ATG5: variants seen among roughly 807,000 people sequenced by gnomAD.
ATG5 encodes autophagy protein 5.
Under a neutral mutation model 36.5 loss-of-function variants are expected in ATG5, and 14 were observed. The observed-to-expected ratio is 0.38, with a 90% confidence interval of 0.25 to 0.60. ATG5 has a LOEUF of 0.60. ATG5 is among the 20% of genes least tolerant of loss of function. The pLI, the probability that ATG5 is intolerant of heterozygous loss-of-function variation, is 0.60. For synonymous variants in ATG5, 95 were observed against 101.5 expected, an observed-to-expected ratio of 0.94 and a Z score of 0.38; for missense variants, 195 against 326.7, an observed-to-expected ratio of 0.60 and a Z score of 3.11.
At chr6:106,321,509 C>T (rs554453674) in intron 1 of ATG5, among the ~76,000 whole-genome samples, 1 of 152,248 alleles carries the variant, frequency 6.6e-6, no homozygotes, top group South Asian at 2.1e-4. Flanking sequence ...CAGGCGCCCG[C>T]CACCGCGCCA....
intron 5 of ATG5, among the ~76,000 whole-genome samples, chr6:106,277,207 T>C (rs1354407777): frequency 2.0e-5 from 3 of 152,232 alleles, no homozygotes; most frequent in African/African-American, 7.2e-5. Context: ...GATGTGGTAA[T>C]AGCATAGTCC....
chr6:106,220,840 T>C (rs1168840617), intron 6 of ATG5, among the ~76,000 whole-genome samples: 1 of 152,174 alleles, frequency 6.6e-6, no homozygotes, highest in Non-Finnish European at 1.5e-5. Flanking sequence ...CACCATGAAA[T>C]TGTCAGCAGA....
rs138924559 is a variant in ATG5 at position 106,241,872 on chromosome 6, G to A, written c.573+6278C>T. The stretch of plus-strand genomic sequence containing the variant: ...TAGGCTGCAGACTCAAGGAAGAGCT[G>A]CCAAAACCAGGAAAGCCAATTCATT... On this transcript the variant is annotated intron_variant, in intron 6 of 7. Coordinates refer to ENST00000369076, the MANE Select transcript of ATG5 (RefSeq NM_004849.4). Among the ~76,000 whole-genome samples the A allele has an allele frequency of 1.6e-3, 250 of 152,130 alleles. 1 individual carries two copies. The highest frequency in any genetic ancestry group is 5.3e-3 in the African/African-American group (218 of 41,502).
intron 6 of ATG5, among the ~76,000 whole-genome samples, chr6:106,219,948 C>A (rs1436595270): frequency 5.3e-5 from 8 of 152,102 alleles, no homozygotes; most frequent in African/African-American, 1.9e-4. Context: ...CGACCTCTAC[C>A]AACCTGCTTA....
intron 7 of ATG5, among the ~76,000 whole-genome samples, chr6:106,187,069 CAT>C (rs1775801497): frequency 6.6e-6 from 1 of 152,130 alleles, no homozygotes; most frequent in Non-Finnish European, 1.5e-5. Context: ...GAAGTCGGTC[CAT>C]ACATATTTTG....
At chr6:106,233,052 A>C (rs1777752244) in intron 6 of ATG5, among the ~76,000 whole-genome samples, 1 of 152,114 alleles carries the variant, frequency 6.6e-6, no homozygotes, top group African/African-American at 2.4e-5. Context: ...TATGTGGATG[A>C]TTTTTACTTT....
chr6:106,199,840 T>C (rs1776349096), intron 7 of ATG5, among the ~76,000 whole-genome samples: 1 of 152,180 alleles, frequency 6.6e-6, no homozygotes. Flanking sequence ...CTGGATTGTT[T>C]GGCAAACATT....
At chr6:106,292,272 G>A (rs652421) in intron 4 of ATG5, among the ~76,000 whole-genome samples, 1,630 of 152,268 alleles carry the variant, frequency 0.011, 21 homozygotes, top group African/African-American at 0.036. Flanking sequence ...ATGAATTACT[G>A]TTCGTAATCA....
intron 6 of ATG5, among the ~76,000 whole-genome samples, chr6:106,221,715 A>G (rs937900933): frequency 6.6e-5 from 10 of 151,472 alleles, no homozygotes; most frequent in Non-Finnish European, 1.2e-4. Flanking sequence ...AAGAAAGAAA[A>G]AAAAATCAAA....
Position 106,216,581 on chromosome 6 carries a change from G to A in ATG5, c.574-14492C>T, listed in dbSNP as rs186251394. ...TAGTTGCCAAGGGCTGGAGGGAGGG[G>A]GAATGATATAAGTGACTGCCAATGG... On this transcript the variant is annotated intron_variant, in intron 6 of 7. Transcript: ENST00000369076. 3.7e-3 allele frequency among the ~76,000 whole-genome samples: 569 copies of A among 152,234 alleles called. 10 individuals are homozygous for A. Among genetic ancestry groups the A allele is most frequent in the Admixed American group, 0.023 (358 of 15,298 alleles).
At chr6:106,323,785 TC>T (rs1419396956) in intron 1 of ATG5, among the ~76,000 whole-genome samples, 1 of 152,204 alleles carries the variant, frequency 6.6e-6, no homozygotes, top group Non-Finnish European at 1.5e-5. Context: ...ACAAGTTAGA[TC>T]AACTCACTGC....
Position 106,186,641 on chromosome 6 carries a change from T to A in ATG5, c.727A>T (p.Ile243Phe). Residue 243 changes from isoleucine to phenylalanine, a missense_variant, in exon 8 of 8, where the codon ATT (isoleucine) becomes TTT (phenylalanine). Coordinates refer to ENST00000369076, the MANE Select transcript of ATG5 (RefSeq NM_004849.4). ...AGAGGTGTTTCCAACATTGGCTCAA[T>A]TCCATGAATCATCACTTGATTCTTT... The part of the protein sequence containing the change: ...EKKNQVMIHG[I>F]EPMLETPLQW... 6.2e-7 allele frequency: 1 copy of A among 1,613,832 alleles called. No homozygotes were observed. Among genetic ancestry groups the A allele is most frequent in the Non-Finnish European group, 8.5e-7 (1 of 1,179,878 alleles).
chr6:106,287,665 CA>C (rs1247807585), intron 4 of ATG5, among the ~76,000 whole-genome samples: 5 of 152,134 alleles, frequency 3.3e-5, no homozygotes, highest in Non-Finnish European at 4.4e-5. Context: ...TTAGGATTTG[CA>C]ACAGAACTGG....
intron 6 of ATG5, among the ~76,000 whole-genome samples, chr6:106,225,692 T>A (rs1040093960): frequency 6.6e-5 from 10 of 152,106 alleles, no homozygotes; most frequent in African/African-American, 2.2e-4. Context: ...AGCCCCACTC[T>A]CAGAAAACTG....
chr6:106,269,037 A>C (rs558745010), intron 5 of ATG5, among the ~76,000 whole-genome samples: 1 of 152,214 alleles, frequency 6.6e-6, no homozygotes, highest in South Asian at 2.1e-4. Flanking sequence ...CCTAGAACTT[A>C]AAGTAAAATA....
At chr6:106,292,986 T>G (rs763077226) in intron 4 of ATG5, 42 bp downstream of exon 4, 5 of 1,481,134 alleles carry the variant, frequency 3.4e-6, no homozygotes, top group Non-Finnish European at 4.7e-6. Context: ...CTATTTATTA[T>G]GTATCACAAA....
intron 7 of ATG5, among the ~76,000 whole-genome samples, chr6:106,195,058 C>T (rs145965813): frequency 6.0e-4 from 92 of 152,178 alleles, no homozygotes; most frequent in African/African-American, 2.0e-3. Flanking sequence ...ATTCCCTTAG[C>T]CATTTACAAA....
chr6:106,325,006 C>T (rs1014503406), intron 1 of ATG5, among the ~76,000 whole-genome samples: 2 of 152,192 alleles, frequency 1.3e-5, no homozygotes, highest in Admixed American at 1.3e-4. Flanking sequence ...TTCCTAGGTT[C>T]CTCAAGTTCA....
At chr6:106,313,650 T>A (rs772417793) in intron 2 of ATG5, among the ~76,000 whole-genome samples, 6 of 152,130 alleles carry the variant, frequency 3.9e-5, no homozygotes, top group African/African-American at 7.2e-5. Context: ...GATAAACATA[T>A]AGGATATAGG....
Sources: allele counts gnomAD v4.1 joint callset (sites outside exome capture counted in the v4.1 genomes callset), GRCh38; gene constraint gnomAD v4.1.1; transcripts MANE v1.5; gene names NCBI Gene and HGNC (gene_info 2026-07-23, HGNC 2026-07-21).